Variants in ULK4 observed in about 807,000 individuals in gnomAD.
ULK4 encodes inactive serine/threonine-protein kinase ULK4.
In ULK4, 133 loss-of-function variants were observed where a neutral mutation model predicts 160.6. That is an observed-to-expected ratio of 0.83 (90% CI 0.72 to 0.96). The LOEUF (loss-of-function observed/expected upper bound fraction) is 0.96. Ranked by LOEUF, ULK4 falls within the 40% of genes least tolerant of loss-of-function variation. The pLI, the probability that ULK4 is intolerant of heterozygous loss-of-function variation, is 0.00. For synonymous variants in ULK4, 534 were observed against 539.8 expected (o/e 0.99, Z 0.15); for missense variants, 1,580 against 1,499.5 (o/e 1.05, Z -0.89).
intron 19 of ULK4, among the ~76,000 whole-genome samples, chr3:41,808,007 G>A (rs1481816253): frequency 2.0e-5 from 3 of 152,102 alleles, no homozygotes; most frequent in Non-Finnish European, 2.9e-5. Flanking sequence ...CAGAGTTGTC[G>A]TCGCGTATCT....
At chr3:41,642,528 T>C (rs1346221016) in intron 30 of ULK4, among the ~76,000 whole-genome samples, 1 of 152,240 alleles carries the variant, frequency 6.6e-6, no homozygotes, top group Admixed American at 6.5e-5. Context: ...CTCATCATTT[T>C]TTATGGCTGC....
In ULK4 at chr3:41,685,899, G is replaced by A. The variant is rs116925095; in HGVS notation, c.2782-4095C>T. 1.0e-3 allele frequency among the ~76,000 whole-genome samples: 157 copies of A among 151,842 alleles called. 2 individuals carry two copies. The East Asian group carries it at 0.025, about 24-fold the overall frequency. On this transcript the variant is annotated intron_variant, in intron 27 of 36. Transcript: ENST00000301831. ...ATTGCACTGAGAGCCCAAGGACCATGGTCAGTAACATTTATATGTACCTAC... is the reference window on the plus strand; with the variant it reads ...ATTGCACTGAGAGCCCAAGGACCATAGTCAGTAACATTTATATGTACCTAC...
intron 11 of ULK4, among the ~76,000 whole-genome samples, chr3:41,910,414 C>T (rs1461895032): frequency 1.3e-5 from 2 of 151,854 alleles, no homozygotes; most frequent in African/African-American, 4.8e-5. Context: ...GCCAACATGG[C>T]AAAATCCTGT....
At chr3:41,759,218 TTGAA>T (rs550748369) in intron 21 of ULK4, among the ~76,000 whole-genome samples, 312 of 152,196 alleles carry the variant, frequency 2.0e-3, no homozygotes, top group African/African-American at 7.2e-3. Context: ...ACATTTAGAT[TTGAA>T]TGAAAGAAAT....
At chr3:41,861,041 C>T (rs1399474737) in intron 17 of ULK4, among the ~76,000 whole-genome samples, 2 of 152,118 alleles carry the variant, frequency 1.3e-5, no homozygotes, top group African/African-American at 2.4e-5. Flanking sequence ...AAACTCTATG[C>T]CTTAATATCA....
chr3:41,425,955 T>C (rs1248213071), intron 34 of ULK4, among the ~76,000 whole-genome samples: 1 of 152,070 alleles, frequency 6.6e-6, no homozygotes, highest in Admixed American at 6.5e-5. Flanking sequence ...TAAAACAGCA[T>C]AAATGCCCCA....
At chr3:41,258,820 C>T (rs999335495) in intron 35 of ULK4, among the ~76,000 whole-genome samples, 1 of 151,936 alleles carries the variant, frequency 6.6e-6, no homozygotes, top group Admixed American at 6.6e-5. Context: ...ATACTAAATA[C>T]ATAAATTTCA....
intron 16 of ULK4, among the ~76,000 whole-genome samples, chr3:41,893,262 A>G (rs1698032856): frequency 6.6e-6 from 1 of 152,258 alleles, no homozygotes. Flanking sequence ...GCCATTATAT[A>G]CATAAAAATG....
At chr3:41,577,596 C>T (rs1011598590) in intron 31 of ULK4, among the ~76,000 whole-genome samples, 6 of 152,052 alleles carry the variant, frequency 3.9e-5, no homozygotes, top group Admixed American at 2.0e-4. Context: ...TAACCATCCC[C>T]ACCTCCCCCT....
chr3:41,833,507 G>A (rs9848793), intron 18 of ULK4, among the ~76,000 whole-genome samples: 27,699 of 151,680 alleles, frequency 0.18, 2,601 homozygotes, highest in Middle Eastern at 0.32. Flanking sequence ...CATATTAGCC[G>A]GGATGGTTTT....
At chr3:41,512,492 A>C (rs2085611535) in intron 32 of ULK4, among the ~76,000 whole-genome samples, 4 of 152,244 alleles carry the variant, frequency 2.6e-5, no homozygotes, top group Non-Finnish European at 5.9e-5. Context: ...CCAAGCTGAG[A>C]ATCAAATCAA....
chr3:41,318,877 G>A (rs987331498), intron 35 of ULK4, among the ~76,000 whole-genome samples: 4 of 152,146 alleles, frequency 2.6e-5, no homozygotes, highest in African/African-American at 7.2e-5. Flanking sequence ...TTTATAACCT[G>A]TAAAAGATGA....
At chr3:41,312,246 A>G (rs2080065394) in intron 35 of ULK4, among the ~76,000 whole-genome samples, 1 of 152,138 alleles carries the variant, frequency 6.6e-6, no homozygotes, top group Non-Finnish European at 1.5e-5. Context: ...AGTAGCTGAG[A>G]TTACAGATGT....
chr3:41,935,828 A>G lies in ULK4; in HGVS notation c.351T>C (p.Ile117=). The change falls in exon 4 of 37, where the codon ATT becomes ATC. Residue 117 remains isoleucine, a synonymous_variant. Transcript: ENST00000301831. ...SGLHHLHKLG[I]LFCDISPRKI... is the part of the protein sequence containing the mutation. ...TCCTAGGAGAAATGTCACAAAAGAG[A>G]ATGCCAAGTTTATGAAGATGATGTA... is the stretch of plus-strand genomic sequence containing the variant. 1 of 1,612,294 alleles carries G rather than the reference A, an allele frequency of 6.2e-7. No individual in the cohort carries two copies.
intron 7 of ULK4, 52 bp from the exon 8 acceptor site, chr3:41,916,104 A>G (rs970909678): frequency 3.3e-6 from 4 of 1,202,950 alleles, no homozygotes; most frequent in African/African-American, 3.1e-5. Context: ...AATACATATC[A>G]ATTTTATTTT....
intron 22 of ULK4, among the ~76,000 whole-genome samples, chr3:41,732,615 G>A (rs991911740): frequency 1.3e-5 from 2 of 152,040 alleles, no homozygotes; most frequent in South Asian, 4.2e-4. Context: ...TCCCACTATT[G>A]GGTATTTATC....
intron 32 of ULK4, among the ~76,000 whole-genome samples, chr3:41,541,506 T>C (rs1351969765): frequency 1.3e-5 from 2 of 152,222 alleles, no homozygotes. Context: ...GTCTTGGCTA[T>C]GTGGGCTCTT....
intron 35 of ULK4, among the ~76,000 whole-genome samples, chr3:41,390,578 G>T (rs373457363): frequency 6.6e-6 from 1 of 151,900 alleles, no homozygotes; most frequent in Non-Finnish European, 1.5e-5. Flanking sequence ...CTTTGTTCTC[G>T]TTGGTTTCAA....
intron 17 of ULK4, among the ~76,000 whole-genome samples, chr3:41,842,163 G>C (rs563793456): frequency 7.2e-6 from 1 of 138,758 alleles, no homozygotes; most frequent in African/African-American, 2.8e-5. Context: ...AGAAAATAAC[G>C]CTGCAATGAA....
Sources: gnomAD v4.1 joint callset for allele counts (sites outside exome capture counted in the v4.1 genomes callset) on GRCh38, gnomAD v4.1.1 for gene constraint, MANE v1.5 for transcripts, NCBI Gene and HGNC (gene_info 2026-07-23, HGNC 2026-07-21) for gene names.